The following MOSMO variants were observed in gnomAD, a reference collection of about 807,000 sequenced individuals.
MOSMO encodes modulator of smoothened, also known as modulator of smoothened protein.
MOSMO carries 5 observed loss-of-function variants against 18.4 expected under a neutral mutation model. The ratio of observed to expected loss-of-function variants is 0.27; its 90% CI spans 0.14 to 0.57. The LOEUF is 0.57. MOSMO is among the 20% of genes least tolerant of loss of function. MOSMO has a pLI of 0.92. For missense variants in MOSMO, 138 were observed against 211.8 expected (o/e 0.65, Z 2.16); for synonymous variants, 82 against 82.3 (o/e 1.00, Z 0.02).
intron 1 of MOSMO, among the ~76,000 whole-genome samples, chr16:22,022,342 A>G (rs961841907): frequency 1.3e-5 from 2 of 152,148 alleles, no homozygotes; most frequent in African/African-American, 4.8e-5. Flanking sequence ...CACTTTCACG[A>G]TGTACATTCT....
chr16:22,090,088 A>C (rs2141800972), downstream of MOSMO: 1 of 152,304 alleles, frequency 6.6e-6, no homozygotes, highest in African/African-American at 2.4e-5. Context: ...CAGAAGCCAG[A>C]CTTGGACAGA....
At chr16:22,059,037 C>T (rs965052856) in intron 1 of MOSMO, among the ~76,000 whole-genome samples, 3 of 152,154 alleles carry the variant, frequency 2.0e-5, no homozygotes, top group African/African-American at 7.2e-5. Flanking sequence ...GTTGTTTTAA[C>T]TGAGACTTTC....
At chr16:22,058,251 C>T (rs1283352740) in intron 1 of MOSMO, among the ~76,000 whole-genome samples, 1 of 151,940 alleles carries the variant, frequency 6.6e-6, no homozygotes, top group Non-Finnish European at 1.5e-5. Context: ...CATGGTGAAA[C>T]CCCATCTCTA....
intron 1 of MOSMO, among the ~76,000 whole-genome samples, chr16:22,056,521 C>T (rs1360106686): frequency 6.6e-6 from 1 of 151,074 alleles, no homozygotes; most frequent in Non-Finnish European, 1.5e-5. Context: ...CAGGCATGCA[C>T]TACCACACCC....
intron 1 of MOSMO, among the ~76,000 whole-genome samples, chr16:22,042,678 C>CT (rs1463649528): frequency 6.6e-6 from 1 of 152,184 alleles, no homozygotes; most frequent in East Asian, 1.9e-4. Context: ...ACCCAGTGCT[C>CT]TATTACCATA....
chr16:22,008,333 T>G lies in MOSMO; in HGVS notation c.32T>G (p.Leu11Arg), dbSNP rs1899433801. The G allele has an allele frequency of 2.6e-6, 4 of 1,533,110 alleles. No homozygotes were observed. 95.0% of individuals were successfully genotyped at this position (1,533,110 alleles called of 1,614,324 possible). A position where few individuals can be genotyped will look rare whatever the true frequency, so the allele number is the denominator to read the frequency against. ...AAACTGACCATCATCTCAGGATGTC[T>G]CTTTCTGGCCGCCGATATCTTCGCC... MDKLTIISGCLFLAADIFAIA... is the reference protein window; with the variant it reads MDKLTIISGCRFLAADIFAIA... The change falls in exon 1 of 3, where the codon CTC becomes CGC. Residue 11 changes from leucine (L) to arginine (R), a missense_variant. Coordinates refer to ENST00000542527, the MANE Select transcript of MOSMO (RefSeq NM_001164579.2).
In MOSMO at chr16:22,082,662, T is replaced by C. The variant is rs1323212316; in HGVS notation, c.*1782T>C. On this transcript the variant is annotated 3_prime_UTR_variant, in exon 3 of 3. Transcript: ENST00000542527. The stretch of plus-strand genomic sequence containing the variant: ...AAGATGGGAGCTACCTCCTCAGATA[T>C]TCACACTATGAAATGGAGGTGCTTG... 6.6e-6 allele frequency: 1 copy of C among 152,218 alleles called. No homozygotes were observed. The highest frequency in any genetic ancestry group is 1.5e-5 in the Non-Finnish European group (1 of 68,042). The allele number at this position is 152,218 out of a possible 1,614,324, so 9.4% of individuals were successfully genotyped here. A position where few individuals can be genotyped will look rare whatever the true frequency, so the allele number is the denominator to read the frequency against.
rs1189427448 is a variant in MOSMO at position 22,081,864 on chromosome 16, C to T, written c.*984C>T. The T allele has an allele frequency of 6.6e-6, 1 of 151,928 alleles. No individual in the cohort carries two copies. Among genetic ancestry groups the T allele is most frequent in the East Asian group, 1.9e-4 (1 of 5,194 alleles). The allele number at this position is 151,928 out of a possible 1,614,324, so 9.4% of individuals were successfully genotyped here. ...TGTAATAGGTACAGATAATCCCATA[C>T]CTTTCTAGGTGCGATTTTAAGTTAA... On this transcript the variant is annotated 3_prime_UTR_variant, in exon 3 of 3. Coordinates refer to ENST00000542527, the MANE Select transcript of MOSMO (RefSeq NM_001164579.2).
rs890874059 is a variant in MOSMO, at chr16:22,034,744, GTTTTTTTT to G, written c.106+26360_106+26367del. ...CTGTTTTTTTTGTTTGTTTTTTTGG[GTTTTTTTT>G]TTTTTTTTTTTTTTTTTTTTTTAAA... On this transcript the variant is annotated intron_variant, in intron 1 of 2. Coordinates refer to ENST00000542527, the MANE Select transcript of MOSMO (RefSeq NM_001164579.2). 7.2e-5 allele frequency among the ~76,000 whole-genome samples: 4 copies of G among 55,456 alleles called. No individual in the cohort carries two copies. In the South Asian group the frequency reaches 2.1e-3, roughly 29 times the overall value. 36.4% of individuals were successfully genotyped at this position (55,456 alleles called of 152,430 possible).
chr16:22,022,310 A>G (rs1899781675), intron 1 of MOSMO, among the ~76,000 whole-genome samples: 3 of 152,022 alleles, frequency 2.0e-5, no homozygotes, highest in African/African-American at 7.3e-5. Context: ...GGCATGAGCC[A>G]CTGCCCAGGC....
At chr16:22,019,832 A>G (rs1430253048) in intron 1 of MOSMO, among the ~76,000 whole-genome samples, 2 of 152,194 alleles carry the variant, frequency 1.3e-5, no homozygotes, top group Non-Finnish European at 2.9e-5. Context: ...TCCCAGTCTT[A>G]TCTCATTTTC....
Position 22,080,993 on chromosome 16 carries a change from T to G in MOSMO, c.*113T>G. 2.3e-6 allele frequency: 1 copy of G among 434,390 alleles called. No individual in the cohort carries two copies. The allele number at this position is 434,390 out of a possible 1,614,324, so 26.9% of individuals were successfully genotyped here. On this transcript the variant is annotated 3_prime_UTR_variant, in exon 3 of 3. Coordinates refer to ENST00000542527, the MANE Select transcript of MOSMO (RefSeq NM_001164579.2). ...TCTGAGCAGGCCTCTCATGGGAAGATGCTCAGATGAAACTGATGCTGAGAA... is the reference window on the plus strand; with the variant it reads ...TCTGAGCAGGCCTCTCATGGGAAGAGGCTCAGATGAAACTGATGCTGAGAA...
chr16:22,041,453 G>C (rs1434376237), intron 1 of MOSMO, among the ~76,000 whole-genome samples: 1 of 152,118 alleles, frequency 6.6e-6, no homozygotes, highest in Non-Finnish European at 1.5e-5. Context: ...TGCAGAGCAG[G>C]ACATTTTTAA....
intron 1 of MOSMO, 194 bp from the exon 2 acceptor site, chr16:22,075,293 G>A (rs892659224): frequency 4.4e-6 from 3 of 682,186 alleles, no homozygotes; most frequent in Non-Finnish European, 8.0e-6. Context: ...TATTTTTTTA[G>A]GTTCACTTTG....
Position 22,064,815 on chromosome 16 carries a change from C to T in MOSMO, c.107-10672C>T, listed in dbSNP as rs576936029. Among the ~76,000 whole-genome samples, 8 of 152,080 alleles carry T rather than the reference C, an allele frequency of 5.3e-5. No homozygotes were observed. In the East Asian group the frequency reaches 1.5e-3, roughly 29 times the overall value. ...AGAGTAAAAATACAAAGGTTCTCAC[C>T]CCCTCTCCCCACGTCACCTCCAGTT... On this transcript the variant is annotated intron_variant, in intron 1 of 2. Coordinates refer to ENST00000542527, the MANE Select transcript of MOSMO (RefSeq NM_001164579.2).
intron 1 of MOSMO, among the ~76,000 whole-genome samples, chr16:22,065,318 C>A (rs1900728724): frequency 1.3e-5 from 2 of 152,152 alleles, no homozygotes; most frequent in Non-Finnish European, 2.9e-5. Context: ...TCATTTTTTA[C>A]TTGTTATATA....
chr16:22,067,685 C>T (rs1293635006), intron 1 of MOSMO, among the ~76,000 whole-genome samples: 2 of 152,046 alleles, frequency 1.3e-5, no homozygotes, highest in South Asian at 2.1e-4. Context: ...CATGGTGAAG[C>T]ATGTTGTTTA....
intron 1 of MOSMO, among the ~76,000 whole-genome samples, chr16:22,019,941 C>T (rs576416220): frequency 2.0e-5 from 3 of 151,986 alleles, no homozygotes; most frequent in Admixed American, 6.6e-5. Flanking sequence ...GGGCCAGGTG[C>T]GGTGGCTCAC....
chr16:22,083,758 G>A lies in MOSMO; in HGVS notation c.*2878G>A. The A allele has an allele frequency of 2.3e-6, 1 of 434,540 alleles. No individual in the cohort carries two copies. The highest frequency in any genetic ancestry group is 1.7e-5 in the South Asian group (1 of 60,116). 26.9% of individuals were successfully genotyped at this position (434,540 alleles called of 1,614,324 possible). On this transcript the variant is annotated 3_prime_UTR_variant, in exon 3 of 3. Transcript: ENST00000542527. ...TTTTAGGTTTTATTTGCACAAGACT[G>A]AATTAGTTTGACATTTTTGGAAGCT...
Sources: gnomAD v4.1 joint callset for allele counts (sites outside exome capture counted in the v4.1 genomes callset) on GRCh38, gnomAD v4.1.1 for gene constraint, MANE v1.5 for transcripts, NCBI Gene and HGNC (gene_info 2026-07-23, HGNC 2026-07-21) for gene names.